The following GFRAL variants were observed in gnomAD, a reference collection of about 807,000 sequenced individuals.
GFRAL encodes GDNF family receptor alpha-like.
In GFRAL, 36 loss-of-function variants were observed where a neutral mutation model predicts 45.4. That is an observed-to-expected ratio of 0.79 (90% CI 0.61 to 1.05). GFRAL has a LOEUF of 1.05. GFRAL is among the 50% of genes least tolerant of loss of function. The probability of loss-of-function intolerance (pLI) is 0.00; values close to 1 mark genes in which losing one functional copy is unlikely to be tolerated. For synonymous variants in GFRAL, 166 were observed against 154.1 expected, an observed-to-expected ratio of 1.08 and a Z score of -0.57; for missense variants, 507 against 467.5, an observed-to-expected ratio of 1.08 and a Z score of -0.78.
intron 6 of GFRAL, among the ~76,000 whole-genome samples, chr6:55,381,355 C>T (rs186191887): frequency 1.3e-5 from 2 of 152,014 alleles, no homozygotes; most frequent in East Asian, 3.9e-4. Flanking sequence ...CCATACTTCT[C>T]ACCCATCTGT....
At chr6:55,371,296 A>G (rs996725937) in intron 6 of GFRAL, among the ~76,000 whole-genome samples, 2 of 152,210 alleles carry the variant, frequency 1.3e-5, no homozygotes, top group Non-Finnish European at 2.9e-5. Flanking sequence ...TTCTACACAT[A>G]AATTCATGTG....
intron 3 of GFRAL, among the ~76,000 whole-genome samples, chr6:55,348,639 G>A (rs1768076346): frequency 6.6e-6 from 1 of 151,988 alleles, no homozygotes; most frequent in Non-Finnish European, 1.5e-5. Flanking sequence ...AGTACTCCAG[G>A]GGAGAGAGAC....
intron 6 of GFRAL, among the ~76,000 whole-genome samples, chr6:55,377,782 A>T (rs4449633): frequency 0.27 from 41,669 of 151,918 alleles, 6,721 homozygotes; most frequent in East Asian, 0.37. Flanking sequence ...ATACTGAAAG[A>T]TCCAAAATTA....
chr6:55,376,320 T>C (rs2397182), intron 6 of GFRAL, among the ~76,000 whole-genome samples: 17,046 of 152,084 alleles, frequency 0.11, 1,047 homozygotes, highest in African/African-American at 0.16. Flanking sequence ...TGAAGTTTTC[T>C]TATTTTTGTT....
At chr6:55,350,914 A>G (rs1162528097) in intron 4 of GFRAL, among the ~76,000 whole-genome samples, 10 of 152,248 alleles carry the variant, frequency 6.6e-5, no homozygotes, top group South Asian at 2.1e-4. Flanking sequence ...TGAGCTAACC[A>G]TAAGCTACAT....
At chr6:55,399,297 T>C (rs776984587) in intron 7 of GFRAL, 22 bp downstream of exon 7, 5 of 1,501,164 alleles carry the variant, frequency 3.3e-6, no homozygotes, top group Non-Finnish European at 4.6e-6. Context: ...ATCAATCCTC[T>C]ATAATATTTA....
chr6:55,395,503 C>T (rs1768813014), intron 6 of GFRAL, among the ~76,000 whole-genome samples: 1 of 151,396 alleles, frequency 6.6e-6, no homozygotes, highest in Non-Finnish European at 1.5e-5. Flanking sequence ...ATTTTTTTCC[C>T]ATGAAACTCA....
intron 6 of GFRAL, among the ~76,000 whole-genome samples, chr6:55,383,890 G>A (rs115016012): frequency 0.015 from 2,324 of 152,024 alleles, 35 homozygotes; most frequent in Non-Finnish European, 0.025. Context: ...GATTCTCTTC[G>A]GAAAATCAGG....
intron 6 of GFRAL, among the ~76,000 whole-genome samples, chr6:55,363,597 C>A: frequency 8.3e-6 from 1 of 120,412 alleles, no homozygotes; most frequent in Non-Finnish European, 1.7e-5. Flanking sequence ...CTCCCCCCAC[C>A]CCACCTCAGT....
chr6:55,330,349 G>A (rs1767813654), intron 1 of GFRAL, among the ~76,000 whole-genome samples: 1 of 151,908 alleles, frequency 6.6e-6, no homozygotes, highest in African/African-American at 2.4e-5. Flanking sequence ...AATGTCTGTG[G>A]GTAAAGCTGT....
chr6:55,381,607 AT>A lies in GFRAL; in HGVS notation c.953-17566del, dbSNP rs1185119683. On this transcript the variant is annotated intron_variant, in intron 6 of 8. Transcript: ENST00000340465. ...GGAGGTGCATGATACATAGTCTTAC[AT>A]TTTTTTCCTTAAGTACATAAAATTT... Among the ~76,000 whole-genome samples the A allele has an allele frequency of 7.2e-5, 11 of 152,022 alleles. No homozygotes were observed. The East Asian group carries it at 1.7e-3, about 24-fold the overall frequency.
intron 5 of GFRAL, among the ~76,000 whole-genome samples, chr6:55,356,041 T>C (rs1049797186): frequency 6.6e-6 from 1 of 152,038 alleles, no homozygotes; most frequent in Non-Finnish European, 1.5e-5. Flanking sequence ...GATTTTCATA[T>C]ATTGAACCAT....
At chr6:55,400,697 C>T (rs1404583475) in intron 8 of GFRAL, among the ~76,000 whole-genome samples, 2 of 152,092 alleles carry the variant, frequency 1.3e-5, no homozygotes, top group Non-Finnish European at 2.9e-5. Flanking sequence ...AGAAGACATT[C>T]CGTGGGTTCT....
At chr6:55,377,416 G>A (rs533402857) in intron 6 of GFRAL, among the ~76,000 whole-genome samples, 2 of 152,136 alleles carry the variant, frequency 1.3e-5, no homozygotes, top group Middle Eastern at 3.4e-3. Flanking sequence ...GGTTGAGTGA[G>A]TTAGAGGAAT....
At chr6:55,380,365 G>T in intron 6 of GFRAL, among the ~76,000 whole-genome samples, 1 of 151,986 alleles carries the variant, frequency 6.6e-6, no homozygotes, top group South Asian at 2.1e-4. Context: ...AACTATTGAG[G>T]AGTATTACTG....
intron 5 of GFRAL, among the ~76,000 whole-genome samples, chr6:55,354,684 C>A (rs570885804): frequency 1.4e-4 from 21 of 152,058 alleles, no homozygotes; most frequent in Non-Finnish European, 2.9e-4. Context: ...TAATGTAATT[C>A]AGATGAAAAA....
chr6:55,339,521 G>C (rs529801422), intron 3 of GFRAL, among the ~76,000 whole-genome samples: 4 of 152,072 alleles, frequency 2.6e-5, no homozygotes, highest in Non-Finnish European at 5.9e-5. Context: ...GGAGGAGAAA[G>C]ATATTTTCAG....
intron 6 of GFRAL, among the ~76,000 whole-genome samples, chr6:55,387,789 ATC>A (rs751601837): frequency 1.3e-3 from 197 of 152,320 alleles, no homozygotes; most frequent in Non-Finnish European, 2.2e-3. Context: ...ATCAATAAAT[ATC>A]TCTCAGGCTA....
At chr6:55,347,834 C>T (rs967635583) in intron 3 of GFRAL, among the ~76,000 whole-genome samples, 1 of 151,994 alleles carries the variant, frequency 6.6e-6, no homozygotes, top group Non-Finnish European at 1.5e-5. Context: ...TCTTCTTTTG[C>T]TTTTGCTTTA....
Sources: allele counts gnomAD v4.1 joint callset (sites outside exome capture counted in the v4.1 genomes callset), GRCh38; gene constraint gnomAD v4.1.1; transcripts MANE v1.5; gene names NCBI Gene and HGNC (gene_info 2026-07-23, HGNC 2026-07-21).